PRSS12: variants seen among roughly 807,000 people sequenced by gnomAD.
PRSS12 encodes serine protease 12, also known as neurotrypsin.
Under a neutral mutation model 104.4 loss-of-function variants are expected in PRSS12, and 85 were observed. The ratio of observed to expected loss-of-function variants is 0.81; its 90% CI spans 0.68 to 0.98. The LOEUF (loss-of-function observed/expected upper bound fraction) is 0.98. Among genes scored for constraint, PRSS12 ranks in the 50% least tolerant of loss-of-function variants. The pLI is 0.00. For synonymous variants in PRSS12, 454 were observed against 425.2 expected, an observed-to-expected ratio of 1.07 and a Z score of -0.83; for missense variants, 1,141 against 1,139.2, an observed-to-expected ratio of 1.00 and a Z score of -0.02.
intron 4 of PRSS12, among the ~76,000 whole-genome samples, chr4:118,329,392 A>G (rs1286298565): frequency 1.3e-5 from 2 of 152,202 alleles, no homozygotes; most frequent in African/African-American, 4.8e-5. Context: ...TAAAAATGCT[A>G]TTACTATACC....
In PRSS12 at chr4:118,282,096, C is replaced by G; in HGVS notation, c.2468G>C (p.Gly823Ala). The G allele has an allele frequency of 6.2e-7, 1 of 1,614,216 alleles. No homozygotes were observed. Among genetic ancestry groups the G allele is most frequent in the Non-Finnish European group, 8.5e-7 (1 of 1,180,038 alleles). ...ACACATGAGTGGTCCTCCGCTGTCT[C>G]CCTGGCAGCTGTCCACGCGTTTGTG... ...HEHKRVDSCQ[G>A]DSGGPLMCER... Residue 823 changes from glycine to alanine, a missense_variant, in exon 13 of 13, where the codon GGA becomes GCA. By Grantham distance (60) the Gly-to-Ala change is moderately conservative. Transcript: ENST00000296498.
chr4:118,331,633 A>C (rs1481792334), intron 4 of PRSS12, 83 bp downstream of exon 4: 3 of 1,566,588 alleles, frequency 1.9e-6, no homozygotes, highest in Admixed American at 1.7e-5. Flanking sequence ...GAAATGTGCA[A>C]TTTAAACAAA....
intron 7 of PRSS12, 102 bp downstream of exon 7, chr4:118,313,098 CA>C: frequency 2.8e-6 from 4 of 1,406,602 alleles, no homozygotes; most frequent in South Asian, 1.2e-5. Flanking sequence ...AAATAGACCC[CA>C]AAAAAAGCCA....
chr4:118,337,683 C>T (rs1724096258), intron 2 of PRSS12, among the ~76,000 whole-genome samples: 1 of 151,968 alleles, frequency 6.6e-6, no homozygotes, highest in Non-Finnish European at 1.5e-5. Flanking sequence ...GTAAACATTG[C>T]CCCTTTCACA....
chr4:118,307,711 T>G (rs1056743360), intron 8 of PRSS12, among the ~76,000 whole-genome samples: 2 of 152,138 alleles, frequency 1.3e-5, no homozygotes, highest in Non-Finnish European at 2.9e-5. Flanking sequence ...AGTGTCCTTT[T>G]CACATTCTAT....
Position 118,331,797 on chromosome 4 carries a change from T to C in PRSS12, c.890A>G (p.His297Arg), listed in dbSNP as rs756685819. Residue 297 changes from histidine to arginine, a missense_variant, in exon 4 of 13, where the codon CAT (histidine) becomes CGT (arginine). His to Arg is a conservative substitution (Grantham distance 29, BLOSUM62 0). Coordinates refer to ENST00000296498, the MANE Select transcript of PRSS12 (RefSeq NM_003619.4). ...SVHEGRVELY[H>R]AGQWGTVCDD... is the part of the protein sequence containing the mutation. ...ACAAACGGTTCCCCACTGGCCAGCA[T>C]GGTAGAGCTCCACCCGGCCTTCATG... is the stretch of plus-strand genomic sequence containing the variant. The C allele has an allele frequency of 7.6e-5, 123 of 1,614,012 alleles. No individual in the cohort carries two copies. Among genetic ancestry groups the C allele is most frequent in the Non-Finnish European group, 1.0e-4 (119 of 1,180,022 alleles).
intron 4 of PRSS12, among the ~76,000 whole-genome samples, chr4:118,320,647 G>T (rs1413309676): frequency 6.6e-6 from 1 of 152,044 alleles, no homozygotes; most frequent in East Asian, 1.9e-4. Context: ...CAGCTACTCG[G>T]GAGGCCAAGG....
At chr4:118,296,560 T>C (rs1743259958) in intron 9 of PRSS12, among the ~76,000 whole-genome samples, 1 of 152,210 alleles carries the variant, frequency 6.6e-6, no homozygotes, top group Non-Finnish European at 1.5e-5. Context: ...CAGGAGAATT[T>C]ATATAGAGGT....
At chr4:118,295,915 A>G (rs930129132) in intron 9 of PRSS12, 59 bp from the exon 10 acceptor site, 57 of 1,410,682 alleles carry the variant, frequency 4.0e-5, no homozygotes, top group East Asian at 2.7e-4. Context: ...GGGTAAGACG[A>G]TAAGTGACAT....
intron 9 of PRSS12, among the ~76,000 whole-genome samples, chr4:118,297,026 C>T (rs1040146211): frequency 3.9e-5 from 6 of 152,120 alleles, no homozygotes; most frequent in Non-Finnish European, 8.8e-5. Context: ...AGAAAGTAAA[C>T]TCTATTTAAA....
rs1724326424 is a variant in PRSS12 at position 118,345,163 on chromosome 4, C to A, written c.503-6849G>T. On this transcript the variant is annotated intron_variant, in intron 1 of 12. Coordinates refer to ENST00000296498, the MANE Select transcript of PRSS12 (RefSeq NM_003619.4). ...TGTTTAAGGAATAAATGAAACCTAT[C>A]CTTACCCTGTTAGAAGAACCAGCAT... Among the ~76,000 whole-genome samples, 3 of 152,294 alleles carry A rather than the reference C, an allele frequency of 2.0e-5. No homozygotes were observed. The South Asian group carries it at 6.2e-4, about 32-fold the overall frequency.
chr4:118,305,331 T>A (rs970122437), intron 8 of PRSS12, among the ~76,000 whole-genome samples: 18 of 152,070 alleles, frequency 1.2e-4, no homozygotes, highest in African/African-American at 4.3e-4. Flanking sequence ...GAATTACTTG[T>A]AAGACTATTT....
At chr4:118,333,441 A>C (rs1288384877) in intron 3 of PRSS12, among the ~76,000 whole-genome samples, 1 of 152,222 alleles carries the variant, frequency 6.6e-6, no homozygotes, top group African/African-American at 2.4e-5. Context: ...TGTAGCAGAA[A>C]TTTAGATTAG....
At chr4:118,302,988 T>A (rs1743438393) in intron 8 of PRSS12, among the ~76,000 whole-genome samples, 1 of 152,088 alleles carries the variant, frequency 6.6e-6, no homozygotes, top group Non-Finnish European at 1.5e-5. Context: ...GAAACAAAAA[T>A]TCCAGATGAT....
rs773651733 is a variant in PRSS12, at chr4:118,313,397, T to C, written c.1293A>G (p.Lys431=). The change falls in exon 7 of 13, where the codon AAA becomes AAG. Residue 431 remains lysine, a splice_region_variant and synonymous_variant. Coordinates refer to ENST00000296498, the MANE Select transcript of PRSS12 (RefSeq NM_003619.4). ...GGTTGGCAGATGCTTGTTTACCATATCTGTGACAATTGAATAAACACTGTG... is the reference window on the plus strand; with the variant it reads ...GGTTGGCAGATGCTTGTTTACCATACCTGTGACAATTGAATAAACACTGTG... ...TYVVCRQLGF[K]YGKQASANHF... is the part of the protein sequence containing the mutation. The C allele has an allele frequency of 3.6e-5, 58 of 1,613,908 alleles. No individual in the cohort carries two copies. The South Asian group carries it at 5.6e-4, about 16-fold the overall frequency.
intron 9 of PRSS12, 109 bp from the exon 10 acceptor site, chr4:118,295,965 T>C (rs1407490599): frequency 1.0e-6 from 1 of 955,924 alleles, no homozygotes; most frequent in Admixed American, 2.1e-5. Flanking sequence ...AAATCCCTTT[T>C]CTCTGCAAAT....
intron 11 of PRSS12, among the ~76,000 whole-genome samples, chr4:118,290,965 A>G (rs1196402311): frequency 6.6e-6 from 1 of 152,128 alleles, no homozygotes; most frequent in African/African-American, 2.4e-5. Flanking sequence ...ATCATTTGGT[A>G]ACACAGACCA....
In PRSS12 at chr4:118,338,292, G is replaced by A. The variant is rs1357499618; in HGVS notation, c.525C>T (p.Gly175=). The change falls in exon 2 of 13, where the codon GGC becomes GGT. Residue 175 remains glycine, a synonymous_variant. Transcript: ENST00000296498. The part of the protein sequence containing the change: ...CRHGSVRLRG[G]KNEFEGTVEV... ...CCACTGTGCCTTCAAACTCATTTTT[G>A]CCGCCACGAAGTCGTACTGATCCTA... 2.5e-6 allele frequency: 4 copies of A among 1,613,796 alleles called. No homozygotes were observed. In the Admixed American group the frequency reaches 6.7e-5, roughly 27 times the overall value.
intron 1 of PRSS12, among the ~76,000 whole-genome samples, chr4:118,341,425 G>A (rs1295391385): frequency 6.6e-6 from 1 of 152,178 alleles, no homozygotes; most frequent in Non-Finnish European, 1.5e-5. Flanking sequence ...GCTCACGCCT[G>A]TAATCCCAGC....
Sources: allele counts gnomAD v4.1 joint callset (sites outside exome capture counted in the v4.1 genomes callset), GRCh38; gene constraint gnomAD v4.1.1; transcripts MANE v1.5; gene names NCBI Gene and HGNC (gene_info 2026-07-23, HGNC 2026-07-21).